Variants in FBXO40 observed in about 807,000 individuals in gnomAD.
The protein encoded by FBXO40 is F-box protein 40.
FBXO40 carries 50 observed loss-of-function variants against 49.9 expected under a neutral mutation model. That is an observed-to-expected ratio of 1.00 (90% CI 0.80 to 1.27). The LOEUF (loss-of-function observed/expected upper bound fraction) is 1.27, where lower values mean the gene tolerates loss of function less well. FBXO40 is among the 50% of genes most tolerant of loss of function. The pLI is 0.00. For missense variants in FBXO40, 895 were observed against 870.1 expected (o/e 1.03, Z -0.36); for synonymous variants, 340 against 320.2 (o/e 1.06, Z -0.66).
In FBXO40 at chr3:121,600,642, C is replaced by T. The variant is rs143235754; in HGVS notation, c.-31+7140C>T. On this transcript the variant is annotated intron_variant, in intron 1 of 3. Transcript: ENST00000338040. Reference sequence around the variant, plus strand: ...CATGTGGATCAAACACCTGTGTCTCCATGGGCCTTTGAGGGCCAAGTGTGA... The same window carrying T: ...CATGTGGATCAAACACCTGTGTCTCTATGGGCCTTTGAGGGCCAAGTGTGA... Among the ~76,000 whole-genome samples, 1,455 of 152,292 alleles carry T rather than the reference C, an allele frequency of 9.6e-3. 6 individuals carry two copies. The highest frequency in any genetic ancestry group is 0.015 in the Non-Finnish European group (1,032 of 68,028).
chr3:121,621,546 C>T lies in FBXO40; in HGVS notation c.117C>T (p.His39=), dbSNP rs1484652884. The change falls in exon 3 of 4, where the codon CAC becomes CAT. Residue 39 remains histidine (H), a synonymous_variant. Transcript: ENST00000338040. ...CCTCCTGCCTGGTAATAAGCTGCCACCTGCTCTGTGGTGCCACCTTCCACA... is the reference window on the plus strand; with the variant it reads ...CCTCCTGCCTGGTAATAAGCTGCCATCTGCTCTGTGGTGCCACCTTCCACA... The part of the protein sequence containing the change: ...PNTSCLVISC[H]LLCGATFHMC... 6.2e-7 allele frequency: 1 copy of T among 1,614,250 alleles called. No individual in the cohort carries two copies. Among genetic ancestry groups the T allele is most frequent in the Admixed American group, 1.7e-5 (1 of 60,034 alleles).
chr3:121,618,569 T>TA (rs397754259), intron 1 of FBXO40, among the ~76,000 whole-genome samples: 4 of 145,312 alleles, frequency 2.8e-5, no homozygotes, highest in Non-Finnish European at 4.6e-5. Flanking sequence ...TTTTTTTTTT[T>TA]AATTTTAGTA....
At chr3:121,626,248 G>A (rs1366328881) in intron 3 of FBXO40, among the ~76,000 whole-genome samples, 10 of 152,100 alleles carry the variant, frequency 6.6e-5, no homozygotes, top group Admixed American at 2.0e-4. Flanking sequence ...TGCTCACTCG[G>A]TGGTCTCTGG....
chr3:121,618,988 G>T (rs2108850187), intron 1 of FBXO40, among the ~76,000 whole-genome samples: 1 of 150,908 alleles, frequency 6.6e-6, no homozygotes, highest in Middle Eastern at 3.4e-3. Context: ...AAAGTAAAAT[G>T]GTTTTTTGTT....
At chr3:121,595,863 T>A (rs1560125988) in intron 1 of FBXO40, among the ~76,000 whole-genome samples, 1 of 152,198 alleles carries the variant, frequency 6.6e-6, no homozygotes, top group East Asian at 1.9e-4. Context: ...GACCTTTAAC[T>A]TTTAACCTTG....
chr3:121,611,970 C>G (rs1467931410), intron 1 of FBXO40, among the ~76,000 whole-genome samples: 1 of 152,134 alleles, frequency 6.6e-6, no homozygotes, highest in African/African-American at 2.4e-5. Flanking sequence ...GTGGCTGGGG[C>G]AAAGCTACAA....
Position 121,613,688 on chromosome 3 carries a change from T to C in FBXO40, c.-30-6858T>C, listed in dbSNP as rs1012450246. ...CATATGGCTGTTAAATACCACACTT[T>C]AACTTGTAACTGCAGTAATGGAGAA... On this transcript the variant is annotated intron_variant, in intron 1 of 3. Coordinates refer to ENST00000338040, the MANE Select transcript of FBXO40 (RefSeq NM_016298.4). Among the ~76,000 whole-genome samples the C allele has an allele frequency of 2.6e-5, 4 of 152,222 alleles. No individual in the cohort carries two copies. In the East Asian group the frequency reaches 5.8e-4, roughly 22 times the overall value.
intron 1 of FBXO40, among the ~76,000 whole-genome samples, chr3:121,615,871 T>C (rs543946602): frequency 6.6e-6 from 1 of 152,268 alleles, no homozygotes; most frequent in South Asian, 2.1e-4. Context: ...GTATTAACCT[T>C]ACAGGTGTCT....
intron 1 of FBXO40, among the ~76,000 whole-genome samples, chr3:121,610,058 A>G (rs143721700): frequency 1.3e-5 from 2 of 152,346 alleles, no homozygotes; most frequent in African/African-American, 4.8e-5. Context: ...TTGGGAACAC[A>G]GGGCATTCCC....
At chr3:121,600,490 G>A (rs1415646807) in intron 1 of FBXO40, among the ~76,000 whole-genome samples, 5 of 152,066 alleles carry the variant, frequency 3.3e-5, no homozygotes, top group South Asian at 2.1e-4. Context: ...CAAAATAATC[G>A]CCATAAGGAA....
At chr3:121,604,764 A>G (rs1355260955) in intron 1 of FBXO40, among the ~76,000 whole-genome samples, 4 of 152,156 alleles carry the variant, frequency 2.6e-5, no homozygotes, top group South Asian at 2.1e-4. Flanking sequence ...TATAAAAGAT[A>G]TATCTCACAG....
intron 1 of FBXO40, among the ~76,000 whole-genome samples, chr3:121,603,807 C>G (rs1334139833): frequency 6.6e-6 from 1 of 152,220 alleles, no homozygotes; most frequent in Non-Finnish European, 1.5e-5. Flanking sequence ...CAACCTCTGT[C>G]TCCCCAGCTC....
intron 1 of FBXO40, among the ~76,000 whole-genome samples, chr3:121,599,596 T>C (rs971576652): frequency 7.3e-5 from 11 of 149,716 alleles, no homozygotes; most frequent in African/African-American, 2.7e-4. Context: ...TTCTATAATC[T>C]GAGTGCTTTG....
chr3:121,601,408 T>G (rs994872291), intron 1 of FBXO40, among the ~76,000 whole-genome samples: 8 of 131,540 alleles, frequency 6.1e-5, no homozygotes, highest in African/African-American at 2.3e-4. Context: ...AATAGCAACA[T>G]GAAAAAAAAA....
intron 1 of FBXO40, among the ~76,000 whole-genome samples, chr3:121,601,013 A>C (rs967005787): frequency 3.3e-5 from 5 of 152,192 alleles, no homozygotes; most frequent in African/African-American, 1.2e-4. Flanking sequence ...GGGCAACACC[A>C]GTTGGTTCCT....
intron 1 of FBXO40, among the ~76,000 whole-genome samples, chr3:121,618,791 GAGAC>G (rs1210666782): frequency 2.6e-5 from 4 of 151,960 alleles, no homozygotes; most frequent in Non-Finnish European, 5.9e-5. Flanking sequence ...GATTGAGAGA[GAGAC>G]AGAGAGGAGA....
intron 1 of FBXO40, among the ~76,000 whole-genome samples, chr3:121,593,851 A>C (rs965467924): frequency 6.6e-6 from 1 of 152,024 alleles, no homozygotes. Context: ...GAAGGCCTAG[A>C]ATCCAGGATT....
chr3:121,621,626 T>C lies in FBXO40; in HGVS notation c.197T>C (p.Leu66Pro), dbSNP rs1306212038. The C allele has an allele frequency of 6.2e-7, 1 of 1,614,040 alleles. No individual in the cohort carries two copies. Among genetic ancestry groups the C allele is most frequent in the Admixed American group, 1.7e-5 (1 of 60,002 alleles). Residue 66 changes from leucine to proline, a missense_variant, in exon 3 of 4, where the codon CTC becomes CCC. Physicochemically the swap from Leu to Pro is moderately conservative, Grantham distance 98. Coordinates refer to ENST00000338040, the MANE Select transcript of FBXO40 (RefSeq NM_016298.4). ...TGCCCTTTAGAGCAGGTTCCGTGCCTCAACTCCGAATATGGCTGCCCTCTG... is the reference window on the plus strand; with the variant it reads ...TGCCCTTTAGAGCAGGTTCCGTGCCCCAACTCCGAATATGGCTGCCCTCTG... ...LLCPLEQVPC[L>P]NSEYGCPLSM...
At chr3:121,623,409 G>T (rs747393941) in intron 3 of FBXO40, 66 bp downstream of exon 3, 142 of 1,390,016 alleles carry the variant, frequency 1.0e-4, no homozygotes, top group Non-Finnish European at 1.3e-4. Context: ...TTATAGACAG[G>T]TTCTCTCTCT....
Sources: allele counts gnomAD v4.1 joint callset (sites outside exome capture counted in the v4.1 genomes callset), GRCh38; gene constraint gnomAD v4.1.1; transcripts MANE v1.5; gene names NCBI Gene and HGNC (gene_info 2026-07-23, HGNC 2026-07-21).